Variants in RANBP17 observed in about 807,000 individuals in gnomAD.
The protein encoded by RANBP17 is RAN binding protein 17.
Under a neutral mutation model 141.2 loss-of-function variants are expected in RANBP17, and 158 were observed. The ratio of observed to expected loss-of-function variants is 1.12; its 90% CI spans 0.98 to 1.28. The LOEUF (loss-of-function observed/expected upper bound fraction) is 1.28. RANBP17 is among the 50% of genes most tolerant of loss of function. RANBP17 has a pLI of 0.00. For synonymous variants in RANBP17, 430 were observed against 450.0 expected (o/e 0.96, Z 0.56); for missense variants, 1,438 against 1,290.7 (o/e 1.11, Z -1.75).
At position 171,299,374 on chromosome 5, in the gene RANBP17, C is replaced by T. The variant is rs908077981; in HGVS notation, c.*516C>T. On this transcript the variant is annotated 3_prime_UTR_variant, in exon 28 of 28. Coordinates refer to ENST00000523189, the MANE Select transcript of RANBP17 (RefSeq NM_022897.5). ...CGAGCCTGGAAGCACTACAGAGCAT[C>T]CCACAGGACCACACGCAGGCCTCCC... is the stretch of plus-strand genomic sequence containing the variant. 1 of 232,394 alleles carries T rather than the reference C, an allele frequency of 4.3e-6. No individual in the cohort carries two copies. The highest frequency in any genetic ancestry group is 8.5e-6 in the Non-Finnish European group (1 of 117,360). 14.4% of individuals were successfully genotyped at this position (232,394 alleles called of 1,614,324 possible). A position where few individuals can be genotyped will look rare whatever the true frequency, so the allele number is the denominator to read the frequency against.
At chr5:171,146,696 T>G (rs1056671787) in intron 14 of RANBP17, among the ~76,000 whole-genome samples, 1 of 152,214 alleles carries the variant, frequency 6.6e-6, no homozygotes, top group African/African-American at 2.4e-5. Flanking sequence ...AGCAGGGAAC[T>G]TGGAGCTATG....
chr5:171,149,878 C>G (rs1280321949), intron 14 of RANBP17, among the ~76,000 whole-genome samples: 1 of 152,170 alleles, frequency 6.6e-6, no homozygotes. Context: ...TAACAGCGAT[C>G]TCCTCTGTAG....
Position 171,162,114 on chromosome 5 carries a change from G to A in RANBP17, c.1711-8016G>A, listed in dbSNP as rs373274309. 1.3e-3 allele frequency among the ~76,000 whole-genome samples: 194 copies of A among 152,316 alleles called. 9 individuals are homozygous for A. The South Asian group carries it at 0.039, about 30-fold the overall frequency. ...TAAGCCTTCTTCCCAAGCATCTGGT[G>A]CCATAGCCATAGTTAGCTTCTTTTT... On this transcript the variant is annotated intron_variant, in intron 14 of 27. Coordinates refer to ENST00000523189, the MANE Select transcript of RANBP17 (RefSeq NM_022897.5).
chr5:171,149,369 T>C (rs994027576), intron 14 of RANBP17, among the ~76,000 whole-genome samples: 1 of 152,242 alleles, frequency 6.6e-6, no homozygotes, highest in Non-Finnish European at 1.5e-5. Context: ...AGGAGAACTG[T>C]TTCCTATCTT....
At chr5:171,142,051 G>A (rs747162546) in intron 14 of RANBP17, among the ~76,000 whole-genome samples, 12 of 152,116 alleles carry the variant, frequency 7.9e-5, no homozygotes, top group Non-Finnish European at 1.8e-4. Flanking sequence ...CAGATTGCTT[G>A]AAATATACAA....
intron 14 of RANBP17, among the ~76,000 whole-genome samples, chr5:171,044,149 T>C (rs1168996451): frequency 6.6e-6 from 1 of 152,102 alleles, no homozygotes; most frequent in African/African-American, 2.4e-5. Context: ...AGAAAGGTAT[T>C]AGTTGCTTTC....
chr5:171,079,750 C>T (rs1356877534), intron 14 of RANBP17, among the ~76,000 whole-genome samples: 1 of 152,104 alleles, frequency 6.6e-6, no homozygotes, highest in Non-Finnish European at 1.5e-5. Flanking sequence ...AGTGTGATTG[C>T]ACAGGTAATA....
chr5:171,245,512 C>T (rs1765155890), intron 24 of RANBP17, among the ~76,000 whole-genome samples: 1 of 152,042 alleles, frequency 6.6e-6, no homozygotes, highest in Non-Finnish European at 1.5e-5. Flanking sequence ...CGGGGTTTCT[C>T]CATGTTGGTC....
rs148509875 is a variant in RANBP17 at position 170,904,200 on chromosome 5, A to G, written c.490-5461A>G. The G allele has an allele frequency of 1.9e-3, 533 of 287,782 alleles. 2 individuals are homozygous for G. Among genetic ancestry groups the G allele is most frequent in the African/African-American group, 0.011 (498 of 44,632 alleles). The allele number at this position is 287,782 out of a possible 1,614,324, so 17.8% of individuals were successfully genotyped here. A position where few individuals can be genotyped will look rare whatever the true frequency, so the allele number is the denominator to read the frequency against. The stretch of plus-strand genomic sequence containing the variant: ...CTAGACCAGCCTGTCCCTCCTGTGG[A>G]CCATTTTTATTCATTATTAGCTTTA... On this transcript the variant is annotated intron_variant, in intron 5 of 27. Transcript: ENST00000523189.
chr5:170,913,348 G>T (rs1771687839), intron 7 of RANBP17, among the ~76,000 whole-genome samples: 1 of 151,892 alleles, frequency 6.6e-6, no homozygotes, highest in Non-Finnish European at 1.5e-5. Context: ...GTAGGGGTGG[G>T]TGAATGCAAA....
Position 171,183,210 on chromosome 5 carries a change from T to C in RANBP17, c.1909T>C (p.Phe637Leu). 6.3e-7 allele frequency: 1 copy of C among 1,591,750 alleles called. No individual in the cohort carries two copies. The highest frequency in any genetic ancestry group is 8.6e-7 in the Non-Finnish European group (1 of 1,159,690). The change falls in exon 17 of 28, where the codon TTC becomes CTC. Residue 637 changes from phenylalanine to leucine, a missense_variant. Transcript: ENST00000523189. ...ACTTGTGAAGATAGATGCTGTGAAA[T>C]TCATGCTAAAAAACCACACGGTAAG... ...KKLVKIDAVK[F>L]MLKNHTSEHF...
In RANBP17 at chr5:171,199,853, CTG is replaced by C. The variant is rs1762202098; in HGVS notation, c.2142+86_2142+87del. ...AGATCCAGAAAAGGGCTTTGCATAT[CTG>C]TGTGTACTCTTTGCCTCCTCAGACC... is the stretch of plus-strand genomic sequence containing the variant. On this transcript the variant is annotated intron_variant, in intron 19 of 27. Transcript: ENST00000523189. 5 of 769,036 alleles carry C rather than the reference CTG, an allele frequency of 6.5e-6. No homozygotes were observed. In the South Asian group the frequency reaches 9.1e-5, roughly 14 times the overall value. 47.6% of individuals were successfully genotyped at this position (769,036 alleles called of 1,614,324 possible).
intron 16 of RANBP17, among the ~76,000 whole-genome samples, chr5:171,180,904 T>TG (rs1457223572): frequency 6.6e-6 from 1 of 152,232 alleles, no homozygotes; most frequent in Admixed American, 6.5e-5. Context: ...AAACATGACT[T>TG]GCTGTTTATT....
chr5:171,272,599 G>A (rs1314465781), intron 25 of RANBP17, among the ~76,000 whole-genome samples: 1 of 152,186 alleles, frequency 6.6e-6, no homozygotes, highest in African/African-American at 2.4e-5. Flanking sequence ...CTGTTTAACT[G>A]TGGGGTTCAC....
chr5:171,209,816 A>G (rs1762771995), intron 20 of RANBP17, among the ~76,000 whole-genome samples: 1 of 152,196 alleles, frequency 6.6e-6, no homozygotes, highest in Non-Finnish European at 1.5e-5. Context: ...TTACATATTC[A>G]TGGAGTACCT....
chr5:171,218,910 A>C (rs1003471056), intron 21 of RANBP17, among the ~76,000 whole-genome samples: 1 of 152,064 alleles, frequency 6.6e-6, no homozygotes, highest in Non-Finnish European at 1.5e-5. Context: ...TTTAAGGTTA[A>C]TATTATGTTT....
chr5:170,974,841 A>G (rs1777245844), intron 14 of RANBP17, among the ~76,000 whole-genome samples: 1 of 152,154 alleles, frequency 6.6e-6, no homozygotes, highest in Non-Finnish European at 1.5e-5. Context: ...GCAGCCAAGG[A>G]GCACTGCATG....
At chr5:171,177,854 G>C (rs74669364) in intron 16 of RANBP17, among the ~76,000 whole-genome samples, 13,954 of 152,086 alleles carry the variant, frequency 0.092, 1,034 homozygotes, top group African/African-American at 0.2. Context: ...ATTAAGACTT[G>C]TTTTCCCTTC....
intron 24 of RANBP17, among the ~76,000 whole-genome samples, chr5:171,247,201 C>CTGA (rs1346266073): frequency 1.3e-5 from 2 of 152,122 alleles, no homozygotes; most frequent in African/African-American, 4.8e-5. Flanking sequence ...CTAGATCTAC[C>CTGA]TGATAAAGGT....
Sources: gnomAD v4.1 joint callset for allele counts (sites outside exome capture counted in the v4.1 genomes callset) on GRCh38, gnomAD v4.1.1 for gene constraint, MANE v1.5 for transcripts, NCBI Gene and HGNC (gene_info 2026-07-23, HGNC 2026-07-21) for gene names.